The following ERMP1 variants were observed in gnomAD, a reference collection of about 807,000 sequenced individuals.
ERMP1 encodes endoplasmic reticulum metallopeptidase 1.
ERMP1 carries 86 observed loss-of-function variants against 92.0 expected under a neutral mutation model. That is an observed-to-expected ratio of 0.93 (90% CI 0.79 to 1.12). The LOEUF (loss-of-function observed/expected upper bound fraction) is 1.12, where lower values mean the gene tolerates loss of function less well. Among genes scored for constraint, ERMP1 ranks in the 50% most tolerant of loss-of-function variants. ERMP1 has a pLI of 0.00. For synonymous variants in ERMP1, 530 were observed against 412.8 expected (o/e 1.28, Z -3.44); for missense variants, 1,342 against 1,116.3 (o/e 1.20, Z -2.88).
chr9:5,841,688 G>A (rs995165248), intron 6 of ERMP1, among the ~76,000 whole-genome samples: 2 of 152,194 alleles, frequency 1.3e-5, no homozygotes, highest in Non-Finnish European at 2.9e-5. Context: ...CTACTCAGGA[G>A]GCTGAGGCAC....
chr9:5,860,851 G>C (rs945242467), intron 5 of ERMP1, among the ~76,000 whole-genome samples: 1 of 151,986 alleles, frequency 6.6e-6, no homozygotes, highest in Non-Finnish European at 1.5e-5. Context: ...CAGTAATCAT[G>C]ATAATGGATT....
At position 5,825,568 on chromosome 9, in the gene ERMP1, G is replaced by A. The variant is rs141090963; in HGVS notation, c.641-349C>T. ...AGGCAATCTGTTCTATTCTTTACCC[G>A]TATTCCACATCCTCTGTAATAGTCT... On this transcript the variant is annotated intron_variant, in intron 2 of 14. Transcript: ENST00000339450. 3.4e-4 allele frequency among the ~76,000 whole-genome samples: 52 copies of A among 152,292 alleles called. 1 individual carries two copies. The East Asian group carries it at 8.1e-3, about 24-fold the overall frequency.
intron 8 of ERMP1, among the ~76,000 whole-genome samples, chr9:5,808,956 G>A (rs1207491274): frequency 1.3e-5 from 2 of 152,008 alleles, no homozygotes; most frequent in African/African-American, 4.8e-5. Flanking sequence ...CCAGGCTAAA[G>A]CGATCCGCCT....
intron 6 of ERMP1, among the ~76,000 whole-genome samples, chr9:5,853,280 G>C (rs1449856956): frequency 6.6e-6 from 1 of 152,126 alleles, no homozygotes; most frequent in Non-Finnish European, 1.5e-5. Flanking sequence ...AAAAGGAAAG[G>C]GCAGAGAGCT....
chr9:5,810,628 G>C (rs1829056077), intron 7 of ERMP1, among the ~76,000 whole-genome samples: 2 of 152,176 alleles, frequency 1.3e-5, no homozygotes, highest in Non-Finnish European at 2.9e-5. Flanking sequence ...AAGATAAGGA[G>C]TGTGGGGAAA....
At chr9:5,792,288 G>A (rs1054327558) in intron 13 of ERMP1, among the ~76,000 whole-genome samples, 9 of 152,210 alleles carry the variant, frequency 5.9e-5, no homozygotes, top group Admixed American at 5.2e-4. Context: ...TAATGAAATC[G>A]ATATTTGAAA....
In ERMP1 at chr9:5,785,646, A is replaced by C. The variant is rs954097097; in HGVS notation, c.*1498T>G. 1 of 152,824 alleles carries C rather than the reference A, an allele frequency of 6.5e-6. No individual in the cohort carries two copies. The highest frequency in any genetic ancestry group is 2.4e-5 in the African/African-American group (1 of 41,446). The allele number at this position is 152,824 out of a possible 1,614,324, so 9.5% of individuals were successfully genotyped here. Reference sequence around the variant, plus strand: ...AAAAGCACATCATACACATGAGACAAGCAGCTTCAAGGACGTTTTCTCCGG... The same window carrying C: ...AAAAGCACATCATACACATGAGACACGCAGCTTCAAGGACGTTTTCTCCGG... On this transcript the variant is annotated 3_prime_UTR_variant, in exon 15 of 15. Coordinates refer to ENST00000339450, the MANE Select transcript of ERMP1 (RefSeq NM_024896.3).
At position 5,785,920 on chromosome 9, in the gene ERMP1, C is replaced by G. The variant is rs1827917465; in HGVS notation, c.*1224G>C. ...TCACCAATGCCCTCACTGCTGGAAC[C>G]AAAAAGCCATGAGAGGTACTGCTGT... On this transcript the variant is annotated 3_prime_UTR_variant, in exon 15 of 15. Transcript: ENST00000339450. The G allele has an allele frequency of 6.6e-6, 1 of 152,150 alleles. No individual in the cohort carries two copies. 9.4% of individuals were successfully genotyped at this position (152,150 alleles called of 1,614,324 possible).
At chr9:5,835,381 A>G (rs1830081541), upstream of ERMP1, among the ~76,000 whole-genome samples, 1 of 152,100 alleles carries the variant, frequency 6.6e-6, no homozygotes, top group African/African-American at 2.4e-5. Flanking sequence ...TGTGTATAAA[A>G]TGTCAGAGAG....
chr9:5,809,948 T>G (rs1014530909), intron 8 of ERMP1, 63 bp downstream of exon 8: 9 of 1,182,960 alleles, frequency 7.6e-6, no homozygotes, highest in Non-Finnish European at 1.1e-5. Flanking sequence ...TGAATCACAC[T>G]TAAGTTCATC....
chr9:5,796,526 C>T (rs543905128), intron 13 of ERMP1, among the ~76,000 whole-genome samples: 18 of 152,176 alleles, frequency 1.2e-4, no homozygotes, highest in African/African-American at 4.3e-4. Context: ...TACATCTACA[C>T]AACGGACTAT....
intron 5 of ERMP1, 123 bp from the exon 6 acceptor site, chr9:5,812,340 C>G: frequency 1.7e-6 from 1 of 601,824 alleles, no homozygotes; most frequent in Non-Finnish European, 2.9e-6. Flanking sequence ...ATTGCTTTGT[C>G]ACATTTACAA....
intron 1 of ERMP1, among the ~76,000 whole-genome samples, chr9:5,831,704 T>C (rs1829946177): frequency 6.6e-6 from 1 of 152,312 alleles, no homozygotes; most frequent in East Asian, 1.9e-4. Flanking sequence ...TGACTTTAAG[T>C]AGCAGAAACC....
At chr9:5,834,977 ATGTGTGTGTGTGTGTGTG>A (rs71326191), upstream of ERMP1, among the ~76,000 whole-genome samples, 148 of 125,198 alleles carry the variant, frequency 1.2e-3, no homozygotes, top group African/African-American at 2.9e-3. Flanking sequence ...GGATAGATAG[ATGTGTGTGTGTGTGTGTG>A]TGTGTGTGTG....
Position 5,812,037 on chromosome 9 carries a change from G to A in ERMP1, c.1114+88C>T, listed in dbSNP as rs143283420. Reference sequence around the variant, plus strand: ...TCACATTGCATACTGCCTCTCTAATGCACAGGCCACAGAATATTTACAAGT... The same window carrying A: ...TCACATTGCATACTGCCTCTCTAATACACAGGCCACAGAATATTTACAAGT... On this transcript the variant is annotated intron_variant, in intron 6 of 14. Transcript: ENST00000339450. 470 of 822,750 alleles carry A rather than the reference G, an allele frequency of 5.7e-4. 4 individuals carry two copies. In the African/African-American group the frequency reaches 7.2e-3, roughly 13 times the overall value. The allele number at this position is 822,750 out of a possible 1,614,324, so 51.0% of individuals were successfully genotyped here. A position where few individuals can be genotyped will look rare whatever the true frequency, so the allele number is the denominator to read the frequency against.
intron 2 of ERMP1, among the ~76,000 whole-genome samples, chr9:5,827,385 AT>A (rs1586820391): frequency 6.6e-6 from 1 of 152,322 alleles, no homozygotes; most frequent in Middle Eastern, 3.4e-3. Flanking sequence ...TGAAAAAAAA[AT>A]CTCACGTTTT....
chr9:5,800,680 AAAG>A (rs2131218024), intron 11 of ERMP1, among the ~76,000 whole-genome samples: 1 of 152,324 alleles, frequency 6.6e-6, no homozygotes, highest in African/African-American at 2.4e-5. Flanking sequence ...CATTTTAAAA[AAAG>A]AGAAAAGAAA....
At chr9:5,831,171 G>C in intron 1 of ERMP1, 143 bp from the exon 2 acceptor site, 1 of 621,498 alleles carries the variant, frequency 1.6e-6, no homozygotes, top group Admixed American at 3.0e-5. Context: ...CATTATTTCA[G>C]ACACCAAGTG....
At chr9:5,802,195 G>C (rs1828698769) in intron 10 of ERMP1, among the ~76,000 whole-genome samples, 1 of 152,120 alleles carries the variant, frequency 6.6e-6, no homozygotes, top group South Asian at 2.1e-4. Flanking sequence ...CAGGTACTCT[G>C]TCATATTTTT....
Sources: allele counts gnomAD v4.1 joint callset (sites outside exome capture counted in the v4.1 genomes callset), GRCh38; gene constraint gnomAD v4.1.1; transcripts MANE v1.5; gene names NCBI Gene and HGNC (gene_info 2026-07-23, HGNC 2026-07-21).